Variants in TTC7B observed in about 807,000 individuals in gnomAD.
TTC7B encodes tetratricopeptide repeat protein 7B.
TTC7B carries 28 observed loss-of-function variants against 106.8 expected under a neutral mutation model. The ratio of observed to expected loss-of-function variants is 0.26; its 90% CI spans 0.19 to 0.36. TTC7B has a LOEUF of 0.36. TTC7B is among the 10% of genes least tolerant of loss of function. The pLI is 1.00. For missense variants in TTC7B, 862 were observed against 1,076.4 expected (o/e 0.80, Z 2.79); for synonymous variants, 405 against 430.6 (o/e 0.94, Z 0.74).
intron 17 of TTC7B, chr14:90,603,339 A>G: frequency 8.7e-6 from 11 of 1,270,886 alleles, no homozygotes; most frequent in Non-Finnish European, 1.1e-5. Flanking sequence ...ATTAAAACCA[A>G]GAAACAAAAC....
At position 90,715,568 on chromosome 14, in the gene TTC7B, A is replaced by C. The variant is rs528506237; in HGVS notation, c.698+14507T>G. On this transcript the variant is annotated intron_variant, in intron 5 of 19. Coordinates refer to ENST00000328459, the MANE Select transcript of TTC7B (RefSeq NM_001010854.2). Reference sequence around the variant, plus strand: ...TCTAAATCAGCCTAATAATCCTATGAAGCAGGTCCTATTATTATCCCCAGT... The same window carrying C: ...TCTAAATCAGCCTAATAATCCTATGCAGCAGGTCCTATTATTATCCCCAGT... Among the ~76,000 whole-genome samples the C allele has an allele frequency of 6.7e-4, 102 of 152,328 alleles. 1 individual carries two copies. The highest frequency in any genetic ancestry group is 2.3e-3 in the African/African-American group (97 of 41,572).
chr14:90,653,869 G>C (rs764777919), intron 12 of TTC7B, among the ~76,000 whole-genome samples: 10 of 152,176 alleles, frequency 6.6e-5, no homozygotes, highest in Non-Finnish European at 1.5e-4. Context: ...GAGTAATGAG[G>C]GGTAGAGTCT....
At chr14:90,747,411 A>T (rs1389269214) in intron 3 of TTC7B, among the ~76,000 whole-genome samples, 1 of 152,216 alleles carries the variant, frequency 6.6e-6, no homozygotes, top group Non-Finnish European at 1.5e-5. Flanking sequence ...AACTGTAACC[A>T]TGAGTATAAC....
intron 17 of TTC7B, among the ~76,000 whole-genome samples, chr14:90,599,652 G>C (rs1438738032): frequency 1.3e-5 from 2 of 152,170 alleles, no homozygotes; most frequent in African/African-American, 4.8e-5. Context: ...TCTGCCTAAT[G>C]CTGCAGCGGC....
chr14:90,798,071 G>A (rs2029989703), intron 1 of TTC7B, among the ~76,000 whole-genome samples: 1 of 152,146 alleles, frequency 6.6e-6, no homozygotes, highest in Non-Finnish European at 1.5e-5. Flanking sequence ...CTTAGAAAAG[G>A]GCTTACGCAC....
At chr14:90,686,714 A>T (rs935746508) in intron 7 of TTC7B, among the ~76,000 whole-genome samples, 1 of 152,240 alleles carries the variant, frequency 6.6e-6, no homozygotes, top group African/African-American at 2.4e-5. Flanking sequence ...TTAAGAAAAC[A>T]ACTCTATTTA....
chr14:90,549,983 A>G (rs906315722), intron 19 of TTC7B, among the ~76,000 whole-genome samples: 2 of 152,206 alleles, frequency 1.3e-5, no homozygotes, highest in African/African-American at 4.8e-5. Flanking sequence ...TCGCTGTGCA[A>G]TAAGATACCA....
At position 90,657,411 on chromosome 14, in the gene TTC7B, G is replaced by A. The variant is rs76857032; in HGVS notation, c.1237-133C>T. The stretch of plus-strand genomic sequence containing the variant: ...TCCAACTTTAAGCCCAAGCAAGCGG[G>A]GGCCTGAGGTGCATGAAAACCAGAG... On this transcript the variant is annotated intron_variant, in intron 10 of 19. Transcript: ENST00000328459. This position sits in a 1 kb window ranked among gnomAD's most constrained non-coding sequence, Gnocchi z 4.2. 1,713 of 730,262 alleles carry A rather than the reference G, an allele frequency of 2.3e-3. 22 individuals are homozygous for A. The African/African-American group carries it at 0.027, about 11-fold the overall frequency. The allele number at this position is 730,262 out of a possible 1,614,324, so 45.2% of individuals were successfully genotyped here.
chr14:90,636,427 T>TAAAAA (rs71117365), intron 15 of TTC7B, among the ~76,000 whole-genome samples: 1 of 99,884 alleles, frequency 1.0e-5, no homozygotes, highest in Non-Finnish European at 2.1e-5. Flanking sequence ...AACGATGTGG[T>TAAAAA]AAAAAAAAAA....
chr14:90,770,536 A>ACTTGGGATGTTACATGCCTGTAACAGCC (rs1890830387), intron 3 of TTC7B, among the ~76,000 whole-genome samples: 1 of 152,016 alleles, frequency 6.6e-6, no homozygotes, highest in African/African-American at 2.4e-5. Flanking sequence ...CATGCCTGTA[A>ACTTGGGATGTTACATGCCTGTAACAGCC]TCCCAACTTG....
rs1889487107 is a variant in TTC7B, at chr14:90,538,964, C to A, written c.*2404G>T. The A allele has an allele frequency of 6.6e-6, 1 of 152,312 alleles. No homozygotes were observed. Among genetic ancestry groups the A allele is most frequent in the South Asian group, 2.1e-4 (1 of 4,832 alleles). The allele number at this position is 152,312 out of a possible 1,614,324, so 9.4% of individuals were successfully genotyped here. On this transcript the variant is annotated 3_prime_UTR_variant, in exon 20 of 20. Coordinates refer to ENST00000328459, the MANE Select transcript of TTC7B (RefSeq NM_001010854.2). ...TAATGTCAAATGGCACCCACAGCCC[C>A]CCACTGGCATCCTATTAGGACATCA...
intron 5 of TTC7B, among the ~76,000 whole-genome samples, chr14:90,720,249 C>T (rs8006869): frequency 0.037 from 5,627 of 152,208 alleles, 332 homozygotes; most frequent in African/African-American, 0.13. Context: ...CAGGAAAACC[C>T]CCCATGACCA....
chr14:90,800,490 A>C (rs1293501381), intron 1 of TTC7B, among the ~76,000 whole-genome samples: 1 of 152,100 alleles, frequency 6.6e-6, no homozygotes, highest in Non-Finnish European at 1.5e-5. Context: ...GGGTGGGCCC[A>C]CTGGGTCCTT....
At chr14:90,619,475 C>T (rs964296152) in intron 15 of TTC7B, among the ~76,000 whole-genome samples, 1 of 152,190 alleles carries the variant, frequency 6.6e-6, no homozygotes, top group East Asian at 1.9e-4. Flanking sequence ...CAGCCAAAAC[C>T]CCACTTAAAT....
At chr14:90,588,886 TAA>T (rs572763059) in intron 18 of TTC7B, among the ~76,000 whole-genome samples, 8,266 of 81,712 alleles carry the variant, frequency 0.1, 238 homozygotes, top group Middle Eastern at 0.15. Flanking sequence ...AAACAAAAAC[TAA>T]AAAAAAAAAA....
chr14:90,597,879 A>C (rs1277457578), intron 17 of TTC7B, among the ~76,000 whole-genome samples: 1 of 152,220 alleles, frequency 6.6e-6, no homozygotes, highest in Non-Finnish European at 1.5e-5. Context: ...AGCACTATTA[A>C]CTTAAGGTGG....
intron 4 of TTC7B, among the ~76,000 whole-genome samples, chr14:90,744,196 C>A (rs1889872844): frequency 6.6e-6 from 1 of 152,250 alleles, no homozygotes; most frequent in South Asian, 2.1e-4. Context: ...ATTAGGAAGA[C>A]AGGGGTGGCT....
In TTC7B at chr14:90,578,900, T is replaced by A. The variant is rs1488797521; in HGVS notation, c.2108-592A>T. ...AGTTGATGCACCCTGTAAACTCTTA[T>A]CTGTGTCACAGTGACAAAGCCCTTT... On this transcript the variant is annotated intron_variant, in intron 18 of 19. Coordinates refer to ENST00000328459, the MANE Select transcript of TTC7B (RefSeq NM_001010854.2). The surrounding 1 kb of genome is among the most constrained non-coding windows in gnomAD (Gnocchi z 4.7). Among the ~76,000 whole-genome samples, 1 of 152,188 alleles carries A rather than the reference T, an allele frequency of 6.6e-6. No homozygotes were observed. Among genetic ancestry groups the A allele is most frequent in the Non-Finnish European group, 1.5e-5 (1 of 68,016 alleles).
intron 6 of TTC7B, 46 bp from the exon 7 acceptor site, chr14:90,689,758 A>T (rs934219818): frequency 6.3e-7 from 1 of 1,588,352 alleles, no homozygotes. Context: ...TCTATCTTGT[A>T]TTAGTCATTC....
Sources: gnomAD v4.1 joint callset for allele counts (sites outside exome capture counted in the v4.1 genomes callset) on GRCh38, gnomAD v4.1.1 for gene constraint, Gnocchi (gnomAD v3.1) non-coding constraint, MANE v1.5 for transcripts, NCBI Gene and HGNC (gene_info 2026-07-23, HGNC 2026-07-21) for gene names.